Variants in COPS4 observed in about 807,000 individuals in gnomAD.
COPS4 encodes COP9 signalosome complex subunit 4.
COPS4 carries 8 observed loss-of-function variants against 55.1 expected under a neutral mutation model. The observed-to-expected ratio is 0.15, with a 90% CI of 0.09 to 0.26. The LOEUF is 0.26. COPS4 is among the 10% of genes least tolerant of loss of function. COPS4 has a pLI of 1.00. For synonymous variants in COPS4, 185 were observed against 165.7 expected (o/e 1.12, Z -0.90); for missense variants, 248 against 484.0 (o/e 0.51, Z 4.58).
chr4:83,035,556 C>T (rs115371025), intron 1 of COPS4: 3,813 of 319,460 alleles, frequency 0.012, 56 homozygotes, highest in Non-Finnish European at 0.016. Context: ...CTTTCTGGTC[C>T]CTTAGGATTT....
At chr4:83,053,931 A>G (rs1264157981) in intron 4 of COPS4, among the ~76,000 whole-genome samples, 1 of 151,864 alleles carries the variant, frequency 6.6e-6, no homozygotes, top group Non-Finnish European at 1.5e-5. Flanking sequence ...TTTATGAAAC[A>G]TTTCTCCTAA....
chr4:83,068,315 C>A, intron 8 of COPS4, 123 bp from the exon 9 acceptor site: 1 of 645,980 alleles, frequency 1.5e-6, no homozygotes, highest in South Asian at 1.8e-5. Flanking sequence ...CTTCTAGTGG[C>A]AGATTAATGT....
chr4:83,073,138 C>T (rs899068739), intron 9 of COPS4: 14 of 521,876 alleles, frequency 2.7e-5, no homozygotes, highest in Non-Finnish European at 4.9e-5. Context: ...AGTTTCACGA[C>T]ATTTTCATCT....
At chr4:83,073,424 CT>C in intron 9 of COPS4, 1 of 410,546 alleles carries the variant, frequency 2.4e-6, no homozygotes, top group Non-Finnish European at 4.3e-6. Context: ...AATTCCACCA[CT>C]GGTTTTCATT....
At chr4:83,047,391 A>C (rs572332412) in intron 2 of COPS4, among the ~76,000 whole-genome samples, 93 of 151,710 alleles carry the variant, frequency 6.1e-4, no homozygotes, top group African/African-American at 2.2e-3. Context: ...TCGTCTCTAC[A>C]AAAAAATACG....
At chr4:83,037,624 A>G (rs1730460142) in intron 1 of COPS4, among the ~76,000 whole-genome samples, 1 of 151,982 alleles carries the variant, frequency 6.6e-6, no homozygotes, top group Non-Finnish European at 1.5e-5. Context: ...TAAGAGAAAT[A>G]CCCTTGAAAT....
At chr4:83,052,618 T>G (rs1380428144) in intron 4 of COPS4, among the ~76,000 whole-genome samples, 1 of 152,202 alleles carries the variant, frequency 6.6e-6, no homozygotes, top group East Asian at 1.9e-4. Flanking sequence ...TTTTGTTGGC[T>G]TTTTGGTTTT....
intron 1 of COPS4, among the ~76,000 whole-genome samples, chr4:83,040,127 G>A (rs1730521783): frequency 6.6e-6 from 1 of 152,118 alleles, no homozygotes; most frequent in African/African-American, 2.4e-5. Context: ...TTAATCTGCC[G>A]TTAAGTACTC....
chr4:83,039,406 C>G (rs1578701202), intron 1 of COPS4, among the ~76,000 whole-genome samples: 1 of 152,288 alleles, frequency 6.6e-6, no homozygotes, highest in East Asian at 1.9e-4. Context: ...ATTTCTACCA[C>G]GTTTTATTGG....
At chr4:83,052,875 C>T (rs1312065652) in intron 4 of COPS4, among the ~76,000 whole-genome samples, 4 of 152,176 alleles carry the variant, frequency 2.6e-5, no homozygotes, top group South Asian at 2.1e-4. Flanking sequence ...GTGTGAGCCA[C>T]CATGCCCAGC....
chr4:83,058,203 G>A (rs942882816), intron 6 of COPS4, among the ~76,000 whole-genome samples: 3 of 151,990 alleles, frequency 2.0e-5, no homozygotes, highest in Non-Finnish European at 4.4e-5. Context: ...AGTAGAATGG[G>A]TATTAAGAGG....
chr4:83,064,313 A>C (rs1385488705), intron 7 of COPS4, among the ~76,000 whole-genome samples: 1 of 151,882 alleles, frequency 6.6e-6, no homozygotes, highest in Non-Finnish European at 1.5e-5. Context: ...CTGCGGTTTC[A>C]GTGACAGTGT....
intron 9 of COPS4, among the ~76,000 whole-genome samples, chr4:83,070,305 C>G (rs765482957): frequency 3.5e-4 from 54 of 152,336 alleles, no homozygotes; most frequent in Non-Finnish European, 5.6e-4. Flanking sequence ...GTTACTGTCT[C>G]TGCATAGACA....
At chr4:83,063,650 G>A (rs1157678286) in intron 7 of COPS4, among the ~76,000 whole-genome samples, 1 of 150,654 alleles carries the variant, frequency 6.6e-6, no homozygotes, top group East Asian at 2.0e-4. Context: ...CTCGTGATCC[G>A]CCTGCCTCGG....
chr4:83,075,282 T>G lies in COPS4; in HGVS notation c.1088-15T>G. 3 of 1,611,220 alleles carry G rather than the reference T, an allele frequency of 1.9e-6. No individual in the cohort carries two copies. Among genetic ancestry groups the G allele is most frequent in the African/African-American group, 1.3e-5 (1 of 74,852 alleles). On this transcript the variant is annotated splice_polypyrimidine_tract_variant and intron_variant, in intron 9 of 9. Coordinates refer to ENST00000264389, the MANE Select transcript of COPS4 (RefSeq NM_016129.3). ...AAGGAATAATTTTAATTTTGTACATTTTTTTTCCCCTTAGCACGAGAAGCC... is the reference window on the plus strand; with the variant it reads ...AAGGAATAATTTTAATTTTGTACATGTTTTTTCCCCTTAGCACGAGAAGCC...
At chr4:83,048,015 AT>A (rs1486812307) in intron 2 of COPS4, among the ~76,000 whole-genome samples, 5 of 150,918 alleles carry the variant, frequency 3.3e-5, no homozygotes, top group Admixed American at 6.6e-5. Flanking sequence ...AAAAAAAATA[AT>A]AATAATAAAA....
At chr4:83,042,519 T>TA (rs1204623024) in intron 1 of COPS4, among the ~76,000 whole-genome samples, 3 of 148,418 alleles carry the variant, frequency 2.0e-5, no homozygotes, top group South Asian at 2.1e-4. Flanking sequence ...ATTAATTAAT[T>TA]TTTTTTTTTT....
At chr4:83,038,748 T>G (rs549075792) in intron 1 of COPS4, among the ~76,000 whole-genome samples, 89 of 152,318 alleles carry the variant, frequency 5.8e-4, no homozygotes, top group Middle Eastern at 3.4e-3. Context: ...TTCAACCGAT[T>G]CTTCTGCCTC....
intron 1 of COPS4, among the ~76,000 whole-genome samples, chr4:83,038,936 C>T (rs1229578878): frequency 6.6e-6 from 1 of 152,074 alleles, no homozygotes; most frequent in Non-Finnish European, 1.5e-5. Context: ...AGCCACCGCG[C>T]CTGGCCAGCA....
Sources: allele counts gnomAD v4.1 joint callset (sites outside exome capture counted in the v4.1 genomes callset), GRCh38; gene constraint gnomAD v4.1.1; transcripts MANE v1.5; gene names NCBI Gene and HGNC (gene_info 2026-07-23, HGNC 2026-07-21).